The following COL23A1 variants were observed in gnomAD, a reference collection of about 807,000 sequenced individuals.
COL23A1 encodes the protein collagen type XXIII alpha 1 chain, also known as collagen alpha-1(XXIII) chain.
A neutral mutation model predicts 99.3 loss-of-function variants in COL23A1; 97 were observed. That is an observed-to-expected ratio of 0.98 (90% CI 0.83 to 1.16). COL23A1 has a LOEUF of 1.16. Ranked by LOEUF, COL23A1 falls within the 50% of genes most tolerant of loss-of-function variation. COL23A1 has a pLI of 0.00. For synonymous variants in COL23A1, 320 were observed against 308.2 expected (o/e 1.04, Z -0.40); for missense variants, 762 against 757.4 (o/e 1.01, Z -0.07).
chr5:178,398,279 C>T (rs1764253777), intron 2 of COL23A1, among the ~76,000 whole-genome samples: 1 of 152,204 alleles, frequency 6.6e-6, no homozygotes. Flanking sequence ...TGTGCTTTCA[C>T]ACGTTTATTT....
At chr5:178,317,923 T>C (rs1390670454) in intron 2 of COL23A1, among the ~76,000 whole-genome samples, 1 of 152,104 alleles carries the variant, frequency 6.6e-6, no homozygotes, top group Non-Finnish European at 1.5e-5. Flanking sequence ...CCACGAGATC[T>C]CGATGACTAC....
At chr5:178,294,114 G>A (rs530685860) in intron 3 of COL23A1, among the ~76,000 whole-genome samples, 1 of 152,152 alleles carries the variant, frequency 6.6e-6, no homozygotes, top group East Asian at 1.9e-4. Context: ...CTGGGGCCAG[G>A]GTCATAGTTC....
chr5:178,586,225 G>T (rs1763998635), intron 1 of COL23A1, among the ~76,000 whole-genome samples: 1 of 152,192 alleles, frequency 6.6e-6, no homozygotes, highest in African/African-American at 2.4e-5. Context: ...CAGATATTCT[G>T]TTACTTCCCA....
chr5:178,354,793 A>G (rs1199969516), intron 2 of COL23A1, among the ~76,000 whole-genome samples: 1 of 152,174 alleles, frequency 6.6e-6, no homozygotes, highest in Non-Finnish European at 1.5e-5. Flanking sequence ...GTGGTGGCTC[A>G]TGCCTGTAAT....
chr5:178,402,621 G>A (rs568298581), intron 2 of COL23A1, among the ~76,000 whole-genome samples: 20 of 152,190 alleles, frequency 1.3e-4, no homozygotes, highest in Admixed American at 2.0e-4. Context: ...GTGTGGTGGC[G>A]CATGCCTGTA....
At chr5:178,381,918 G>A (rs933313945) in intron 2 of COL23A1, among the ~76,000 whole-genome samples, 5 of 152,186 alleles carry the variant, frequency 3.3e-5, no homozygotes, top group Non-Finnish European at 5.9e-5. Context: ...TTACAGGCAC[G>A]AACCATCACA....
At chr5:178,469,728 G>T (rs377557835) in intron 2 of COL23A1, among the ~76,000 whole-genome samples, 27 of 152,138 alleles carry the variant, frequency 1.8e-4, no homozygotes, top group African/African-American at 5.1e-4. Context: ...GCCATCAAGA[G>T]GACCCTCGCC....
At chr5:178,262,531 G>C (rs909266043) in intron 9 of COL23A1, among the ~76,000 whole-genome samples, 1 of 152,126 alleles carries the variant, frequency 6.6e-6, no homozygotes, top group African/African-American at 2.4e-5. Context: ...ACTGGGGGGG[G>C]ACCCTGGTGG....
chr5:178,487,421 G>A (rs1757697393), intron 2 of COL23A1, among the ~76,000 whole-genome samples: 1 of 152,014 alleles, frequency 6.6e-6, no homozygotes, highest in Non-Finnish European at 1.5e-5. Context: ...TTGGGTTCAA[G>A]CGATTCTCCT....
At chr5:178,290,247 T>C (rs1757381604) in intron 4 of COL23A1, 115 bp downstream of exon 4, 2 of 1,465,296 alleles carry the variant, frequency 1.4e-6, no homozygotes, top group South Asian at 1.1e-5. Flanking sequence ...TTAATAGGAC[T>C]GATGTTTTCT....
chr5:178,247,594 C>A (rs1234563548), intron 21 of COL23A1, 42 bp from the exon 22 acceptor site: 2 of 1,612,774 alleles, frequency 1.2e-6, no homozygotes, highest in Non-Finnish European at 8.5e-7. Flanking sequence ...GCTCCGGACC[C>A]TCTTGCAGTG....
intron 9 of COL23A1, among the ~76,000 whole-genome samples, 187 bp from the exon 10 acceptor site, chr5:178,262,439 GC>G (rs1439215149): frequency 6.6e-6 from 1 of 152,182 alleles, no homozygotes; most frequent in Non-Finnish European, 1.5e-5. Context: ...GAAGCCACTG[GC>G]CCGGTGTGAC....
At chr5:178,503,472 C>T (rs1581519431) in intron 2 of COL23A1, among the ~76,000 whole-genome samples, 5 of 152,274 alleles carry the variant, frequency 3.3e-5, no homozygotes, top group South Asian at 2.1e-4. Context: ...TGCTACAAAA[C>T]GGCATAATTA....
intron 8 of COL23A1, among the ~76,000 whole-genome samples, chr5:178,266,382 C>T (rs1439031994): frequency 6.6e-6 from 1 of 151,748 alleles, no homozygotes; most frequent in Non-Finnish European, 1.5e-5. Flanking sequence ...TGTGTGTGCG[C>T]ATATGTGTGT....
intron 2 of COL23A1, among the ~76,000 whole-genome samples, chr5:178,450,353 C>G (rs969879528): frequency 6.6e-6 from 1 of 152,190 alleles, no homozygotes; most frequent in African/African-American, 2.4e-5. Context: ...ATGGGAGCAG[C>G]TTCCTTCTCG....
chr5:178,355,073 G>A (rs752332604), intron 2 of COL23A1, among the ~76,000 whole-genome samples: 2 of 146,848 alleles, frequency 1.4e-5, no homozygotes, highest in African/African-American at 2.6e-5. Flanking sequence ...AAAAAAAAAT[G>A]GATTTTTAAA....
chr5:178,528,051 G>C (rs945990204), intron 2 of COL23A1, among the ~76,000 whole-genome samples: 1 of 152,112 alleles, frequency 6.6e-6, no homozygotes, highest in African/African-American at 2.4e-5. Flanking sequence ...GCAAATACCG[G>C]GGCTTTTGGC....
intron 2 of COL23A1, among the ~76,000 whole-genome samples, chr5:178,541,271 G>C (rs1761269278): frequency 6.6e-6 from 1 of 152,178 alleles, no homozygotes; most frequent in Admixed American, 6.5e-5. Flanking sequence ...AAACACACTG[G>C]GTGGGACTAT....
At chr5:178,558,533 G>A (rs11960831) in intron 2 of COL23A1, among the ~76,000 whole-genome samples, 1 of 151,926 alleles carries the variant, frequency 6.6e-6, no homozygotes, top group South Asian at 2.1e-4. Flanking sequence ...AATTTCACTC[G>A]GGCCTTTTTT....
Sources: gnomAD v4.1 joint callset for allele counts (sites outside exome capture counted in the v4.1 genomes callset) on GRCh38, gnomAD v4.1.1 for gene constraint, MANE v1.5 for transcripts, NCBI Gene and HGNC (gene_info 2026-07-23, HGNC 2026-07-21) for gene names.